Variants in DLEU7 observed in about 807,000 individuals in gnomAD.
DLEU7 encodes the protein deleted in lymphocytic leukemia 7.
A neutral mutation model predicts 16.0 loss-of-function variants in DLEU7; 17 were observed. That is an observed-to-expected ratio of 1.06 (90% CI 0.73 to 1.59). DLEU7 has a LOEUF of 1.59. Ranked by LOEUF, DLEU7 falls within the 40% of genes most tolerant of loss-of-function variation. The probability of loss-of-function intolerance (pLI) is 0.00; values close to 1 mark genes in which losing one functional copy is unlikely to be tolerated. For synonymous variants in DLEU7, 113 were observed against 139.8 expected (o/e 0.81, Z 1.35); for missense variants, 308 against 314.9 (o/e 0.98, Z 0.17).
chr13:50,729,881 GT>G (rs1873869823), intron 1 of DLEU7, among the ~76,000 whole-genome samples: 1 of 152,000 alleles, frequency 6.6e-6, no homozygotes, highest in Admixed American at 6.6e-5. Flanking sequence ...TTTTAATGGG[GT>G]TGTGTGTGTT....
At chr13:50,756,824 C>T (rs1442528747) in intron 1 of DLEU7, among the ~76,000 whole-genome samples, 1 of 152,142 alleles carries the variant, frequency 6.6e-6, no homozygotes, top group African/African-American at 2.4e-5. Flanking sequence ...GCTGCCCTCC[C>T]GAAGGATCCC....
At chr13:50,805,145 A>T (rs921261734) in intron 1 of DLEU7, among the ~76,000 whole-genome samples, 2 of 152,134 alleles carry the variant, frequency 1.3e-5, no homozygotes, top group African/African-American at 4.8e-5. Context: ...AATATTTCTG[A>T]GTTTCCTTAT....
chr13:50,820,788 C>A (rs576802096), downstream of DLEU7, among the ~76,000 whole-genome samples: 29 of 152,024 alleles, frequency 1.9e-4, no homozygotes, highest in African/African-American at 6.7e-4. Context: ...TTTTCTAGTA[C>A]CCATATTGAA....
intron 1 of DLEU7, among the ~76,000 whole-genome samples, chr13:50,804,254 T>C (rs2137783969): frequency 6.6e-6 from 1 of 152,216 alleles, no homozygotes; most frequent in South Asian, 2.1e-4. Context: ...CCAAATTTTA[T>C]TGATATTCTT....
chr13:50,786,223 TTCTC>T (rs1438625879), intron 1 of DLEU7, among the ~76,000 whole-genome samples: 2 of 152,188 alleles, frequency 1.3e-5, no homozygotes, highest in Non-Finnish European at 2.9e-5. Context: ...CCATTCTGGT[TTCTC>T]TCTCTACCTG....
At chr13:50,763,799 A>G (rs1379996920) in intron 1 of DLEU7, among the ~76,000 whole-genome samples, 1 of 152,186 alleles carries the variant, frequency 6.6e-6, no homozygotes, top group African/African-American at 2.4e-5. Context: ...CTGTCTGACC[A>G]GAAGCCAACC....
At chr13:50,742,165 C>A (rs949121245) in intron 1 of DLEU7, among the ~76,000 whole-genome samples, 1 of 151,978 alleles carries the variant, frequency 6.6e-6, no homozygotes, top group East Asian at 1.9e-4. Context: ...AGTTTAGGTA[C>A]AAGAGATTTT....
chr13:50,817,130 AAG>A (rs1428166204), intron 1 of DLEU7, among the ~76,000 whole-genome samples: 1 of 152,098 alleles, frequency 6.6e-6, no homozygotes, highest in African/African-American at 2.4e-5. Flanking sequence ...TTTAAGGAAA[AAG>A]AAAATAAAGC....
intron 1 of DLEU7, among the ~76,000 whole-genome samples, chr13:50,716,666 G>A (rs1378797958): frequency 6.6e-6 from 1 of 152,202 alleles, no homozygotes; most frequent in Non-Finnish European, 1.5e-5. Flanking sequence ...CCCCTGCCTT[G>A]TTCATAGGAT....
chr13:50,718,949 A>T, intron 1 of DLEU7, among the ~76,000 whole-genome samples: 1 of 152,178 alleles, frequency 6.6e-6, no homozygotes, highest in East Asian at 1.9e-4. Context: ...GGGTTTTCCT[A>T]CTGTTTCTGT....
intron 1 of DLEU7, among the ~76,000 whole-genome samples, chr13:50,790,697 A>G (rs1223471589): frequency 2.0e-5 from 3 of 152,088 alleles, no homozygotes; most frequent in African/African-American, 7.2e-5. Flanking sequence ...GGGTAGGAAG[A>G]GGACTCTGTT....
At chr13:50,730,278 CAACTCA>C (rs1295309913) in intron 1 of DLEU7, among the ~76,000 whole-genome samples, 1 of 151,722 alleles carries the variant, frequency 6.6e-6, no homozygotes, top group Non-Finnish European at 1.5e-5. Context: ...CAGATCTGAG[CAACTCA>C]AACCCATGTT....
At chr13:50,838,622 C>G (rs562718146) in intron 1 of DLEU7, among the ~76,000 whole-genome samples, 1 of 152,194 alleles carries the variant, frequency 6.6e-6, no homozygotes, top group Non-Finnish European at 1.5e-5. Context: ...CTAGTGCTTT[C>G]TGTCACTATA....
At chr13:50,816,508 CATA>C (rs1440822654) in intron 1 of DLEU7, among the ~76,000 whole-genome samples, 1 of 152,038 alleles carries the variant, frequency 6.6e-6, no homozygotes, top group Non-Finnish European at 1.5e-5. Flanking sequence ...GCCATAAAAA[CATA>C]ATGCCATTAA....
chr13:50,741,432 C>G (rs1874246811), intron 1 of DLEU7, among the ~76,000 whole-genome samples: 1 of 152,150 alleles, frequency 6.6e-6, no homozygotes, highest in African/African-American at 2.4e-5. Context: ...AAATCTAAAT[C>G]TCTTGGGCTG....
intron 1 of DLEU7, among the ~76,000 whole-genome samples, chr13:50,733,776 C>G (rs748659704): frequency 6.6e-6 from 1 of 152,174 alleles, no homozygotes; most frequent in Non-Finnish European, 1.5e-5. Context: ...TGTTAAGTAT[C>G]ACACATTTAC....
intron 1 of DLEU7, among the ~76,000 whole-genome samples, chr13:50,777,298 G>T (rs1166596935): frequency 6.6e-6 from 1 of 152,178 alleles, no homozygotes; most frequent in Non-Finnish European, 1.5e-5. Flanking sequence ...TCAGTGGGCT[G>T]GGAAAGGCAG....
chr13:50,801,333 C>T (rs1191449653), intron 1 of DLEU7, among the ~76,000 whole-genome samples: 3 of 152,076 alleles, frequency 2.0e-5, no homozygotes, highest in African/African-American at 4.8e-5. Flanking sequence ...TTCCTGAGGT[C>T]GCTTCAGATG....
chr13:50,776,325 T>G lies in DLEU7; in HGVS notation c.460-63085A>C, dbSNP rs571392423. Among the ~76,000 whole-genome samples, 3 of 152,358 alleles carry G rather than the reference T, an allele frequency of 2.0e-5. No individual in the cohort carries two copies. The East Asian group carries it at 5.8e-4, about 29-fold the overall frequency. On this transcript the variant is annotated intron_variant, in intron 1 of 1. Transcript: ENST00000400393. ...GGTACTGCCTTCCAAAGAGGTTTTG[T>G]GTTGAATTGCCGGATAGCCCAGTGC... is the stretch of plus-strand genomic sequence containing the variant.
Sources: gnomAD v4.1 joint callset for allele counts (sites outside exome capture counted in the v4.1 genomes callset) on GRCh38, gnomAD v4.1.1 for gene constraint, MANE v1.5 for transcripts, NCBI Gene and HGNC (gene_info 2026-07-23, HGNC 2026-07-21) for gene names.